ZNF516: variants seen among roughly 807,000 people sequenced by gnomAD.
ZNF516 encodes zinc finger protein 516.
Under a neutral mutation model 79.7 loss-of-function variants are expected in ZNF516, and 19 were observed. The observed-to-expected ratio is 0.24, with a 90% CI of 0.17 to 0.35. The LOEUF is 0.35. Among genes scored for constraint, ZNF516 ranks in the 10% least tolerant of loss-of-function variants. The pLI is 1.00. For synonymous variants in ZNF516, 877 were observed against 739.5 expected (o/e 1.19, Z -3.02); for missense variants, 1,678 against 1,679.5 (o/e 1.00, Z 0.02).
rs1345444879 is a variant in ZNF516 at position 76,442,482 on chromosome 18, C to G, written c.573G>C (p.Leu191=). Residue 191 remains leucine (L), a synonymous_variant, in exon 3 of 7, where the codon CTG becomes CTC. Coordinates refer to ENST00000443185, the MANE Select transcript of ZNF516 (RefSeq NM_014643.4). The part of the protein sequence containing the change: ...SQFERKKDLE[L]HVHQAHKPFK... ...ACGGCTTGTGCGCCTGGTGCACGTGCAGCTCCAGGTCCTTCTTACGCTCGA... is the reference window on the plus strand; with the variant it reads ...ACGGCTTGTGCGCCTGGTGCACGTGGAGCTCCAGGTCCTTCTTACGCTCGA... 1 of 1,603,646 alleles carries G rather than the reference C, an allele frequency of 6.2e-7. No homozygotes were observed. Among genetic ancestry groups the G allele is most frequent in the South Asian group, 1.1e-5 (1 of 91,084 alleles).
intron 3 of ZNF516, among the ~76,000 whole-genome samples, chr18:76,418,511 T>G (rs533253459): frequency 6.6e-6 from 1 of 152,024 alleles, no homozygotes; most frequent in Non-Finnish European, 1.5e-5. Flanking sequence ...TAACACGCAC[T>G]GTAACACACT....
chr18:76,432,779 C>G (rs565752812), intron 3 of ZNF516, among the ~76,000 whole-genome samples: 79 of 152,320 alleles, frequency 5.2e-4, no homozygotes, highest in Middle Eastern at 3.4e-3. Flanking sequence ...CCAGGCAGGA[C>G]CCCATGCCCA....
chr18:76,482,466 CGATCT>C (rs1226436531), intron 1 of ZNF516, among the ~76,000 whole-genome samples: 2 of 152,222 alleles, frequency 1.3e-5, no homozygotes, highest in African/African-American at 2.4e-5. Context: ...GGCAGCCCCG[CGATCT>C]CCAGGGTGGA....
chr18:76,408,226 C>T (rs2075327446), intron 3 of ZNF516, among the ~76,000 whole-genome samples: 2 of 152,272 alleles, frequency 1.3e-5, no homozygotes, highest in South Asian at 4.2e-4. Flanking sequence ...TTTAATCGCA[C>T]GTCACTATGA....
Position 76,376,423 on chromosome 18 carries a change from C to A in ZNF516, c.3259+2432G>T, listed in dbSNP as rs573142170. Among the ~76,000 whole-genome samples, 95 of 152,076 alleles carry A rather than the reference C, an allele frequency of 6.2e-4. 1 individual carries two copies. Among genetic ancestry groups the A allele is most frequent in the Middle Eastern group, 3.4e-3 (1 of 294 alleles). On this transcript the variant is annotated intron_variant, in intron 4 of 6. Transcript: ENST00000443185. ...TAGAAACCCTAAATTTGCTGACTCA[C>A]ACTATGTCTCAATGTGTACATTAGA...
intron 3 of ZNF516, among the ~76,000 whole-genome samples, chr18:76,418,738 A>G (rs946602516): frequency 6.6e-6 from 1 of 152,232 alleles, no homozygotes. Context: ...TATAATCTCA[A>G]TTTCCTTTTT....
intron 4 of ZNF516, among the ~76,000 whole-genome samples, 158 bp downstream of exon 4, chr18:76,378,697 C>T (rs548366411): frequency 6.6e-6 from 1 of 152,340 alleles, no homozygotes; most frequent in South Asian, 2.1e-4. Context: ...TGCTCCTCGG[C>T]CAGGGCAAGG....
At chr18:76,390,764 A>G (rs1057418319) in intron 3 of ZNF516, among the ~76,000 whole-genome samples, 2 of 152,168 alleles carry the variant, frequency 1.3e-5, no homozygotes, top group African/African-American at 2.4e-5. Flanking sequence ...AGAAGCACCG[A>G]GCGGCGGTGT....
chr18:76,437,929 G>A (rs923159458), intron 3 of ZNF516, among the ~76,000 whole-genome samples: 1 of 152,230 alleles, frequency 6.6e-6, no homozygotes, highest in Non-Finnish European at 1.5e-5. Context: ...AAACTTGAGG[G>A]TGTCCCATCT....
chr18:76,486,597 A>G (rs1238724267), intron 1 of ZNF516, among the ~76,000 whole-genome samples: 1 of 152,150 alleles, frequency 6.6e-6, no homozygotes, highest in Non-Finnish European at 1.5e-5. Context: ...AAAAAGCAAG[A>G]AAATAACAGG....
intron 3 of ZNF516, chr18:76,386,814 T>C (rs534140244): frequency 4.6e-5 from 7 of 152,306 alleles, no homozygotes; most frequent in African/African-American, 1.7e-4. Context: ...TACCCACACA[T>C]GTCATTTTCA....
At chr18:76,402,028 C>T (rs186814912) in intron 3 of ZNF516, among the ~76,000 whole-genome samples, 3 of 152,122 alleles carry the variant, frequency 2.0e-5, no homozygotes, top group South Asian at 2.1e-4. Flanking sequence ...TACACGTGCG[C>T]GCATGTGTGC....
intron 3 of ZNF516, among the ~76,000 whole-genome samples, chr18:76,402,186 G>A (rs2075239453): frequency 6.6e-6 from 1 of 152,162 alleles, no homozygotes; most frequent in Admixed American, 6.5e-5. Flanking sequence ...TTTACTCTGT[G>A]AATACAAATC....
chr18:76,457,035 A>T (rs1161204627), intron 2 of ZNF516, among the ~76,000 whole-genome samples: 2 of 152,252 alleles, frequency 1.3e-5, no homozygotes, highest in Non-Finnish European at 2.9e-5. Flanking sequence ...ATTTGTCATC[A>T]GGCTAAATTA....
In ZNF516 at chr18:76,442,755, C is replaced by T. The variant is rs1160441386; in HGVS notation, c.300G>A (p.Ala100=). Residue 100 remains alanine (A), a synonymous_variant, in exon 3 of 7, where the codon GCG becomes GCA. Coordinates refer to ENST00000443185, the MANE Select transcript of ZNF516 (RefSeq NM_014643.4). The stretch of plus-strand genomic sequence containing the variant: ...CGGAGGCGCGCATCTCACCCAGCGG[C>T]GCCTCGCCCGCCTCCGGCTCGTGTC... ...IQGHEPEAGE[A]PLGEMRASEG... 2.5e-6 allele frequency: 4 copies of T among 1,585,738 alleles called. No individual in the cohort carries two copies. Among genetic ancestry groups the T allele is most frequent in the Middle Eastern group, 1.7e-4 (1 of 6,040 alleles).
chr18:76,448,199 T>C (rs1912177744), intron 2 of ZNF516, among the ~76,000 whole-genome samples: 1 of 152,198 alleles, frequency 6.6e-6, no homozygotes, highest in African/African-American at 2.4e-5. Context: ...AAGACATATA[T>C]ATTAAGGCTG....
chr18:76,436,786 G>A (rs2075743902), intron 3 of ZNF516, among the ~76,000 whole-genome samples: 1 of 152,008 alleles, frequency 6.6e-6, no homozygotes, highest in African/African-American at 2.4e-5. Context: ...ACATCCTCCA[G>A]GCCAGGTGCA....
At position 76,360,784 on chromosome 18, in the gene ZNF516, A is replaced by T. The variant is rs2074524232; in HGVS notation, c.*1714T>A. 1 of 139,508 alleles carries T rather than the reference A, an allele frequency of 7.2e-6. No homozygotes were observed. Among genetic ancestry groups the T allele is most frequent in the Non-Finnish European group, 1.5e-5 (1 of 64,886 alleles). The allele number at this position is 139,508 out of a possible 1,614,324, so 8.6% of individuals were successfully genotyped here. A position where few individuals can be genotyped will look rare whatever the true frequency, so the allele number is the denominator to read the frequency against. On this transcript the variant is annotated 3_prime_UTR_variant, in exon 7 of 7. Transcript: ENST00000443185. ...TAGAATCCAGAACCAAACATTACTA[A>T]TAACAATAACAATAATAATAATAAT...
intron 1 of ZNF516, among the ~76,000 whole-genome samples, chr18:76,471,760 G>A (rs1337930063): frequency 7.9e-5 from 12 of 152,136 alleles, no homozygotes; most frequent in Non-Finnish European, 1.6e-4. Context: ...CTGCCAGTCC[G>A]TGGAGGCTAA....
Sources: allele counts gnomAD v4.1 joint callset (sites outside exome capture counted in the v4.1 genomes callset), GRCh38; gene constraint gnomAD v4.1.1; transcripts MANE v1.5; gene names NCBI Gene and HGNC (gene_info 2026-07-23, HGNC 2026-07-21).